Variants in CUBN observed in about 807,000 individuals in gnomAD.
The protein encoded by CUBN is cubilin, also known as 460 kDa receptor.
In CUBN, 282 loss-of-function variants were observed where a neutral mutation model predicts 405.3. That is an observed-to-expected ratio of 0.70 (90% confidence interval 0.63 to 0.77). The LOEUF (loss-of-function observed/expected upper bound fraction) is 0.77. Among genes scored for constraint, CUBN ranks in the 30% least tolerant of loss-of-function variants. The pLI is 0.00. For synonymous variants in CUBN, 1,684 were observed against 1,617.0 expected, an observed-to-expected ratio of 1.04 and a Z score of -0.99; for missense variants, 4,514 against 4,475.2, an observed-to-expected ratio of 1.01 and a Z score of -0.25.
intron 23 of CUBN, among the ~76,000 whole-genome samples, chr10:17,046,616 A>G (rs1367707852): frequency 6.6e-6 from 1 of 152,196 alleles, no homozygotes; most frequent in Non-Finnish European, 1.5e-5. Flanking sequence ...GAAACAAACA[A>G]CAAAAAAGGG....
chr10:17,082,422 A>T (rs531453706), intron 17 of CUBN, among the ~76,000 whole-genome samples: 1 of 152,316 alleles, frequency 6.6e-6, no homozygotes, highest in East Asian at 1.9e-4. Flanking sequence ...ACTTTTCAGA[A>T]GAATTCAGAG....
rs767310001 is a variant in CUBN at position 17,115,603 on chromosome 10, G to A, written c.594-6C>T. On this transcript the variant is annotated splice_polypyrimidine_tract_variant and splice_region_variant and intron_variant, in intron 6 of 66. Transcript: ENST00000377833. ...TCTCAGGTGGGCAGTGACAACTGTT[G>A]GTTACACAAGAGCACAATGTCAGGG... 6.2e-7 allele frequency: 1 copy of A among 1,614,140 alleles called. No homozygotes were observed. The highest frequency in any genetic ancestry group is 1.7e-5 in the Admixed American group (1 of 60,020).
intron 37 of CUBN, among the ~76,000 whole-genome samples, chr10:16,939,775 A>T (rs944917137): frequency 2.6e-5 from 4 of 152,154 alleles, no homozygotes; most frequent in African/African-American, 9.7e-5. Context: ...GTCATGAAAA[A>T]AACTAATTTA....
At chr10:16,866,509 A>G (rs912678512) in intron 59 of CUBN, among the ~76,000 whole-genome samples, 3 of 152,238 alleles carry the variant, frequency 2.0e-5, no homozygotes, top group African/African-American at 4.8e-5. Context: ...CGTTCTGCCT[A>G]TAGGCCATGC....
At chr10:16,999,041 T>TAAATATAA (rs1337160568) in intron 28 of CUBN, among the ~76,000 whole-genome samples, 5 of 152,206 alleles carry the variant, frequency 3.3e-5, no homozygotes, top group African/African-American at 1.2e-4. Flanking sequence ...ATGGTAGAGA[T>TAAATATAA]ACAATAAAAA....
Position 16,937,711 on chromosome 10 carries a change from G to C in CUBN, c.5807C>G (p.Ser1936Cys). The C allele has an allele frequency of 6.2e-7, 1 of 1,614,078 alleles. No individual in the cohort carries two copies. The highest frequency in any genetic ancestry group is 1.1e-5 in the South Asian group (1 of 91,068). The change falls in exon 39 of 67, where the codon TCC becomes TGC. Residue 1936 changes from serine to cysteine, a missense_variant. By Grantham distance (112) the Ser-to-Cys change is moderately radical (BLOSUM62 -1). Coordinates refer to ENST00000377833, the MANE Select transcript of CUBN (RefSeq NM_001081.4). ...ATGAAATGTCAAAGAATTTCCAGTG[G>C]AGCTGAAAGATTCAGTCTGGGTACC... ...YCGTQTESFS[S>C]TGNSLTFHFY...
intron 13 of CUBN, among the ~76,000 whole-genome samples, chr10:17,101,011 A>G (rs996036935): frequency 6.6e-6 from 1 of 152,250 alleles, no homozygotes; most frequent in African/African-American, 2.4e-5. Context: ...CATTTGAGAT[A>G]AACAATCAAA....
At chr10:17,072,034 C>T (rs1215923029) in intron 17 of CUBN, 63 bp from the exon 18 acceptor site, 15 of 1,339,320 alleles carry the variant, frequency 1.1e-5, no homozygotes, top group East Asian at 4.9e-5. Context: ...GCAATGGTGG[C>T]GTTACTTGGA....
chr10:16,926,590 T>G (rs1842194755), intron 41 of CUBN, among the ~76,000 whole-genome samples: 1 of 152,048 alleles, frequency 6.6e-6, no homozygotes, highest in African/African-American at 2.4e-5. Flanking sequence ...GAGGCGTGGT[T>G]GGAATCTAGA....
chr10:16,901,861 A>C (rs548658980), intron 51 of CUBN, among the ~76,000 whole-genome samples: 1 of 142,278 alleles, frequency 7.0e-6, no homozygotes, highest in Non-Finnish European at 1.5e-5. Context: ...TCAAAAAAAA[A>C]CCATATTATA....
At chr10:16,954,671 C>T in intron 31 of CUBN, 123 bp from the exon 32 acceptor site, 1 of 1,097,438 alleles carries the variant, frequency 9.1e-7, no homozygotes, top group African/African-American at 1.5e-5. Flanking sequence ...TCTAGGGAAA[C>T]TGGCTTTATT....
intron 59 of CUBN, among the ~76,000 whole-genome samples, chr10:16,862,160 T>TCTCACACACACACACA (rs144560387): frequency 3.0e-5 from 4 of 131,206 alleles, no homozygotes; most frequent in African/African-American, 9.7e-5. Context: ...TCTCTCTCTC[T>TCTCACACACACACACA]CACACACACA....
intron 59 of CUBN, among the ~76,000 whole-genome samples, chr10:16,867,077 T>G (rs1840208608): frequency 6.6e-6 from 1 of 152,232 alleles, no homozygotes; most frequent in African/African-American, 2.4e-5. Context: ...TGCAAAACCC[T>G]ACTTAGTGTT....
At chr10:16,929,850 C>T (rs1363681046) in intron 40 of CUBN, among the ~76,000 whole-genome samples, 1 of 152,140 alleles carries the variant, frequency 6.6e-6, no homozygotes, top group Non-Finnish European at 1.5e-5. Context: ...TATTTTATCA[C>T]TGGATGAAAG....
rs374165529 is a variant in CUBN at position 17,026,904 on chromosome 10, C to CA, written c.4018-6922dup. On this transcript the variant is annotated intron_variant, in intron 27 of 66. Transcript: ENST00000377833. Reference sequence around the variant, plus strand: ...AAAAAGCCGCCTTGCCATGTGCTGACAGGGTGGGGCAGGAAATATGAAATA... The same window carrying CA: ...AAAAAGCCGCCTTGCCATGTGCTGACAAGGGTGGGGCAGGAAATATGAAATA... Among the ~76,000 whole-genome samples the CA allele has an allele frequency of 6.1e-3, 925 of 152,260 alleles. 5 individuals carry two copies. Among genetic ancestry groups the CA allele is most frequent in the African/African-American group, 0.021 (878 of 41,550 alleles).
At chr10:16,862,009 C>T (rs553659520) in intron 59 of CUBN, among the ~76,000 whole-genome samples, 1 of 152,126 alleles carries the variant, frequency 6.6e-6, no homozygotes, top group East Asian at 1.9e-4. Flanking sequence ...CTTAGCCAGG[C>T]GTGGTTGCAT....
chr10:16,922,946 C>T (rs1302935312), intron 43 of CUBN, among the ~76,000 whole-genome samples: 1 of 151,356 alleles, frequency 6.6e-6, no homozygotes, highest in African/African-American at 2.4e-5. Context: ...ACTTCCCGGG[C>T]TCAAGTGATC....
At position 16,952,364 on chromosome 10, in the gene CUBN, G is replaced by A. The variant is rs556989213; in HGVS notation, c.4881C>T (p.Ser1627=). 6.2e-7 allele frequency: 1 copy of A among 1,613,642 alleles called. No individual in the cohort carries two copies. The highest frequency in any genetic ancestry group is 1.7e-5 in the Admixed American group (1 of 60,018). Residue 1627 remains serine (S), a synonymous_variant, in exon 33 of 67, where the codon AGC becomes AGT. Transcript: ENST00000377833. The part of the protein sequence containing the change: ...RQACGGHILT[S]SFDTVSSPRF... ...GTGGAGAGGAAACAGTATCAAATGA[G>A]CTGGTGAGGATGTGGCCTCCGCAGG...
intron 31 of CUBN, among the ~76,000 whole-genome samples, chr10:16,973,797 C>T (rs966911269): frequency 1.3e-5 from 2 of 152,158 alleles, no homozygotes; most frequent in African/African-American, 2.4e-5. Flanking sequence ...CAGCTCCATC[C>T]ATGTTGCTGA....
Sources: allele counts gnomAD v4.1 joint callset (sites outside exome capture counted in the v4.1 genomes callset), GRCh38; gene constraint gnomAD v4.1.1; transcripts MANE v1.5; gene names NCBI Gene and HGNC (gene_info 2026-07-23, HGNC 2026-07-21).